The following SDK2 variants were observed in gnomAD, a reference collection of about 807,000 sequenced individuals.
SDK2 encodes sidekick cell adhesion molecule 2.
Under a neutral mutation model 253.9 loss-of-function variants are expected in SDK2, and 105 were observed. That is an observed-to-expected ratio of 0.41 (90% CI 0.35 to 0.49). The LOEUF (loss-of-function observed/expected upper bound fraction) is 0.49, where lower values mean the gene tolerates loss of function less well. SDK2 is among the 20% of genes least tolerant of loss of function. The probability of loss-of-function intolerance (pLI) is 0.06; values close to 1 mark genes in which losing one functional copy is unlikely to be tolerated. For missense variants in SDK2, 2,608 were observed against 3,003.0 expected (o/e 0.87, Z 3.07); for synonymous variants, 1,249 against 1,234.9 (o/e 1.01, Z -0.24).
chr17:73,415,837 T>C lies in SDK2; in HGVS notation c.2342A>G (p.Lys781Arg), dbSNP rs764857320. The C allele has an allele frequency of 1.0e-5, 16 of 1,555,882 alleles. No homozygotes were observed. Among genetic ancestry groups the C allele is most frequent in the Middle Eastern group, 1.7e-4 (1 of 6,004 alleles). Residue 781 changes from lysine to arginine, a missense_variant, in exon 17 of 45, where the codon AAA becomes AGA. Coordinates refer to ENST00000392650, the MANE Select transcript of SDK2 (RefSeq NM_001144952.2). ...TCCCTGCAGCGTCCACTCGGTGACT[T>C]TACTGCTGTAGACCCCCAGCCCAGC... is the stretch of plus-strand genomic sequence containing the variant. ...NSAGLGVYSSKVTEWTLQGVP... is the reference protein window; with the variant it reads ...NSAGLGVYSSRVTEWTLQGVP...
At chr17:73,386,410 G>T in intron 31 of SDK2, 35 bp downstream of exon 31, 1 of 1,405,896 alleles carries the variant, frequency 7.1e-7, no homozygotes, top group Non-Finnish European at 9.9e-7. Flanking sequence ...CAGCCAGTGG[G>T]CTGAGAGAGA....
chr17:73,402,890 C>T (rs35027957), intron 18 of SDK2, among the ~76,000 whole-genome samples: 37,852 of 151,998 alleles, frequency 0.25, 5,363 homozygotes, highest in African/African-American at 0.39. Context: ...CTCTGCCTCC[C>T]GGGTTCAAGT....
intron 1 of SDK2, among the ~76,000 whole-genome samples, chr17:73,594,096 ACTGTTTCCCCAAAC>A (rs1419522379): frequency 6.6e-6 from 1 of 152,058 alleles, no homozygotes; most frequent in Non-Finnish European, 1.5e-5. Flanking sequence ...CAACTCAAAA[ACTGTTTCCCCAAAC>A]CTGGTCATGT....
intron 5 of SDK2, among the ~76,000 whole-genome samples, chr17:73,442,993 C>G (rs187490877): frequency 2.8e-4 from 43 of 152,048 alleles, no homozygotes; most frequent in African/African-American, 9.4e-4. Flanking sequence ...TATGCCTGAT[C>G]CATGGCTCCT....
chr17:73,456,179 G>T, intron 3 of SDK2, 126 bp from the exon 4 acceptor site: 1 of 1,076,750 alleles, frequency 9.3e-7, no homozygotes, highest in Non-Finnish European at 1.3e-6. Context: ...CCACAGGGAA[G>T]GAGGACACCT....
At position 73,570,630 on chromosome 17, in the gene SDK2, G is replaced by A. The variant is rs544637239; in HGVS notation, c.65-63033C>T. 2.0e-5 allele frequency among the ~76,000 whole-genome samples: 3 copies of A among 152,286 alleles called. No homozygotes were observed. The highest frequency in any genetic ancestry group is 3.9e-4 in the East Asian group (2 of 5,178). ...ACCACCATCAGCTCACCGCCATCTCGCAGCCACCCACAAAGGGCACTGCTT... is the reference window on the plus strand; with the variant it reads ...ACCACCATCAGCTCACCGCCATCTCACAGCCACCCACAAAGGGCACTGCTT... On this transcript the variant is annotated intron_variant, in intron 1 of 44. Coordinates refer to ENST00000392650, the MANE Select transcript of SDK2 (RefSeq NM_001144952.2). The surrounding 1 kb of genome is among the most constrained non-coding windows in gnomAD (Gnocchi z 4.2).
intron 1 of SDK2, among the ~76,000 whole-genome samples, chr17:73,630,390 G>A (rs1177137299): frequency 6.6e-6 from 1 of 152,158 alleles, no homozygotes; most frequent in Admixed American, 6.5e-5. Flanking sequence ...TCAAGAGGCA[G>A]GTGACACTTG....
rs117435318 is a variant in SDK2, at chr17:73,591,565, G to A, written c.64+52460C>T. The stretch of plus-strand genomic sequence containing the variant: ...TTGCAACAGTGCAAACCTGTAGGAC[G>A]TGTAGAATACTCTCGCAAATTGGGG... On this transcript the variant is annotated intron_variant, in intron 1 of 44. Coordinates refer to ENST00000392650, the MANE Select transcript of SDK2 (RefSeq NM_001144952.2). Among the ~76,000 whole-genome samples, 99 of 152,296 alleles carry A rather than the reference G, an allele frequency of 6.5e-4. 1 individual carries two copies. In the East Asian group the frequency reaches 0.016, roughly 24 times the overall value.
intron 3 of SDK2, 117 bp from the exon 4 acceptor site, chr17:73,456,170 C>G: frequency 8.5e-7 from 1 of 1,183,322 alleles, no homozygotes. Flanking sequence ...ACAGGATGAC[C>G]ACAGGGAAGG....
intron 44 of SDK2, among the ~76,000 whole-genome samples, chr17:73,345,976 G>A (rs2062479675): frequency 6.6e-6 from 1 of 152,144 alleles, no homozygotes; most frequent in Non-Finnish European, 1.5e-5. Flanking sequence ...TGAGGCCGAG[G>A]TGGGTGGATC....
At chr17:73,372,882 A>T (rs2062748091) in intron 36 of SDK2, among the ~76,000 whole-genome samples, 1 of 152,250 alleles carries the variant, frequency 6.6e-6, no homozygotes, top group African/African-American at 2.4e-5. Context: ...CATGTTCATC[A>T]TCTTTTTGTG....
At position 73,379,245 on chromosome 17, in the gene SDK2, T is replaced by C; in HGVS notation, c.4912A>G (p.Thr1638Ala). The change falls in exon 36 of 45, where the codon ACA becomes GCA. Residue 1638 changes from threonine (T) to alanine (A), a missense_variant. Thr to Ala is a moderately conservative substitution (Grantham distance 58). This residue lies in a region of SDK2 where 1,103 missense variants were observed against 1,143.9 expected (regional missense o/e 0.96). Transcript: ENST00000392650. This position sits in a 1 kb window ranked among gnomAD's most constrained non-coding sequence, Gnocchi z 4.5. ...GGCTCCCAAGTCACGTCCAGCTGTG[T>C]GGCCGTGGCGCCGTGGACGACCACG... ...RNVVVHGATA[T>A]QLDVTWEPPP... is the part of the protein sequence containing the mutation. 1 of 1,556,550 alleles carries C rather than the reference T, an allele frequency of 6.4e-7. No homozygotes were observed. Among genetic ancestry groups the C allele is most frequent in the Non-Finnish European group, 8.7e-7 (1 of 1,149,744 alleles).
At chr17:73,468,635 C>T (rs1285573130) in intron 3 of SDK2, among the ~76,000 whole-genome samples, 1 of 152,066 alleles carries the variant, frequency 6.6e-6, no homozygotes, top group African/African-American at 2.4e-5. Flanking sequence ...CCTCAGCCTC[C>T]CAATTAGCTG....
intron 1 of SDK2, among the ~76,000 whole-genome samples, chr17:73,606,310 G>A (rs2045906520): frequency 1.3e-5 from 2 of 152,054 alleles, no homozygotes; most frequent in Non-Finnish European, 2.9e-5. Context: ...GCTGGGTGGG[G>A]CAGGGCCCCC....
Position 73,511,582 on chromosome 17 carries a change from G to T in SDK2, c.65-3985C>A, listed in dbSNP as rs929942600. ...GGAGGCCTTTCCCTGAGAGCCTGCTGGGTACCAGGCCCTGGGCTGGGGGCT... is the reference window on the plus strand; with the variant it reads ...GGAGGCCTTTCCCTGAGAGCCTGCTTGGTACCAGGCCCTGGGCTGGGGGCT... On this transcript the variant is annotated intron_variant, in intron 1 of 44. Transcript: ENST00000392650. The surrounding 1 kb of genome is among the most constrained non-coding windows in gnomAD (Gnocchi z 4.9). Among the ~76,000 whole-genome samples, 5 of 152,162 alleles carry T rather than the reference G, an allele frequency of 3.3e-5. No homozygotes were observed. Among genetic ancestry groups the T allele is most frequent in the Admixed American group, 2.6e-4 (4 of 15,276 alleles).
At chr17:73,536,130 G>T (rs1418816231) in intron 1 of SDK2, among the ~76,000 whole-genome samples, 2 of 152,138 alleles carry the variant, frequency 1.3e-5, no homozygotes, top group Non-Finnish European at 2.9e-5. Flanking sequence ...CACCCAGAGG[G>T]CTTGTTAGAC....
At chr17:73,596,027 C>G (rs1398169659) in intron 1 of SDK2, among the ~76,000 whole-genome samples, 1 of 152,208 alleles carries the variant, frequency 6.6e-6, no homozygotes, top group African/African-American at 2.4e-5. Context: ...TCGGCACTCC[C>G]AGTCTTATGT....
intron 1 of SDK2, among the ~76,000 whole-genome samples, chr17:73,575,474 G>A (rs549115772): frequency 1.3e-5 from 2 of 152,238 alleles, no homozygotes; most frequent in African/African-American, 4.8e-5. Context: ...ATGTGGACGA[G>A]AGCTTGGATT....
Position 73,618,351 on chromosome 17 carries a change from G to A in SDK2, c.64+25674C>T, listed in dbSNP as rs1014080295. Among the ~76,000 whole-genome samples, 5 of 152,184 alleles carry A rather than the reference G, an allele frequency of 3.3e-5. No individual in the cohort carries two copies. Among genetic ancestry groups the A allele is most frequent in the Middle Eastern group, 3.2e-3 (1 of 316 alleles). On this transcript the variant is annotated intron_variant, in intron 1 of 44. Coordinates refer to ENST00000392650, the MANE Select transcript of SDK2 (RefSeq NM_001144952.2). This position sits in a 1 kb window ranked among gnomAD's most constrained non-coding sequence, Gnocchi z 4.1. ...CTCTCCCCATGGAGAGGGAGAGCTC[G>A]CTGTGCCTGTGGATTCATTTATAGT... is the stretch of plus-strand genomic sequence containing the variant.
Sources: allele counts gnomAD v4.1 joint callset (sites outside exome capture counted in the v4.1 genomes callset), GRCh38; gene constraint gnomAD v4.1.1; regional missense constraint gnomAD v4.1.1; non-coding constraint Gnocchi (gnomAD v3.1); transcripts MANE v1.5; gene names NCBI Gene and HGNC (gene_info 2026-07-23, HGNC 2026-07-21).